INPP5A: variants seen among roughly 807,000 people sequenced by gnomAD.
The protein encoded by INPP5A is inositol polyphosphate-5-phosphatase A.
A neutral mutation model predicts 65.2 loss-of-function variants in INPP5A; 14 were observed. That is an observed-to-expected ratio of 0.21 (90% CI 0.14 to 0.34). The LOEUF is 0.34. Ranked by LOEUF, INPP5A falls within the 10% of genes least tolerant of loss-of-function variation. The pLI, the probability that INPP5A is intolerant of heterozygous loss-of-function variation, is 1.00. For synonymous variants in INPP5A, 207 were observed against 208.3 expected (o/e 0.99, Z 0.05); for missense variants, 431 against 545.6 (o/e 0.79, Z 2.09).
At chr10:132,734,847 G>A (rs2803994) in intron 9 of INPP5A, among the ~76,000 whole-genome samples, 138,867 of 152,284 alleles carry the variant, frequency 0.91, 63,505 homozygotes, top group East Asian at 1. Context: ...GTCAAAGGCC[G>A]GCAGGAGTGT....
intron 8 of INPP5A, among the ~76,000 whole-genome samples, chr10:132,719,137 A>G (rs1205889498): frequency 7.5e-5 from 10 of 133,242 alleles, no homozygotes; most frequent in East Asian, 2.4e-4. Flanking sequence ...GTTCTGTGGT[A>G]CCTGGGTTCT....
chr10:132,625,830 G>A (rs1056538121), intron 2 of INPP5A, among the ~76,000 whole-genome samples: 2 of 146,272 alleles, frequency 1.4e-5, no homozygotes, highest in Non-Finnish European at 3.0e-5. Flanking sequence ...TGCAAGGGCT[G>A]GCAGGACTTC....
chr10:132,681,653 C>G (rs540587161), intron 4 of INPP5A, among the ~76,000 whole-genome samples: 6 of 152,182 alleles, frequency 3.9e-5, no homozygotes, highest in Non-Finnish European at 7.3e-5. Flanking sequence ...AGAAATATAA[C>G]AGGGGGCAGC....
chr10:132,683,863 G>A (rs947636702), intron 4 of INPP5A, among the ~76,000 whole-genome samples: 2 of 152,068 alleles, frequency 1.3e-5, no homozygotes, highest in Non-Finnish European at 2.9e-5. Flanking sequence ...TACAAGCATG[G>A]GCCACCACAC....
At chr10:132,640,487 T>A (rs1385579944) in intron 2 of INPP5A, among the ~76,000 whole-genome samples, 2 of 152,268 alleles carry the variant, frequency 1.3e-5, no homozygotes, top group Non-Finnish European at 2.9e-5. Context: ...CACATTCTGC[T>A]GCTCCCGTAA....
intron 2 of INPP5A, among the ~76,000 whole-genome samples, chr10:132,625,981 A>G (rs1019633198): frequency 6.6e-6 from 1 of 152,104 alleles, no homozygotes; most frequent in Non-Finnish European, 1.5e-5. Flanking sequence ...AAATGCGCAC[A>G]CCTGTATAGT....
intron 2 of INPP5A, among the ~76,000 whole-genome samples, chr10:132,621,210 G>A (rs2072103027): frequency 6.6e-6 from 1 of 152,200 alleles, no homozygotes; most frequent in African/African-American, 2.4e-5. Context: ...CCTGAAGACT[G>A]GGAACAGGGC....
chr10:132,670,787 G>A (rs1041788095), intron 4 of INPP5A, among the ~76,000 whole-genome samples: 2 of 150,216 alleles, frequency 1.3e-5, no homozygotes, highest in African/African-American at 4.9e-5. Context: ...CCTTGACCCC[G>A]TATCTCCCCA....
intron 11 of INPP5A, among the ~76,000 whole-genome samples, chr10:132,756,309 A>G (rs928747171): frequency 3.3e-5 from 5 of 151,492 alleles, no homozygotes; most frequent in Non-Finnish European, 7.4e-5. Context: ...TGTGTGGTGT[A>G]TGTGTGTATG....
chr10:132,706,649 G>A lies in INPP5A; in HGVS notation c.475-1664G>A, dbSNP rs1845541665. On this transcript the variant is annotated intron_variant, in intron 6 of 15. Transcript: ENST00000368594. This position sits in a 1 kb window ranked among gnomAD's most constrained non-coding sequence, Gnocchi z 4.7. ...TTGGAATTTCCCTTCTTGAGCATGA[G>A]TGGGAGCACTTAGGGAGGGGGCAGG... Among the ~76,000 whole-genome samples the A allele has an allele frequency of 1.3e-5, 2 of 152,212 alleles. No homozygotes were observed. The highest frequency in any genetic ancestry group is 6.5e-5 in the Admixed American group (1 of 15,278).
intron 8 of INPP5A, among the ~76,000 whole-genome samples, chr10:132,720,804 T>C (rs59300853): frequency 5.5e-3 from 425 of 76,880 alleles, no homozygotes; most frequent in African/African-American, 8.5e-3. Context: ...GCGCCTTAGA[T>C]GGCTGTCTTG....
At chr10:132,760,348 G>A (rs1846710470) in intron 11 of INPP5A, among the ~76,000 whole-genome samples, 1 of 152,256 alleles carries the variant, frequency 6.6e-6, no homozygotes, top group African/African-American at 2.4e-5. Flanking sequence ...CGGACGCTGT[G>A]CCGCACGCCT....
chr10:132,702,120 T>G (rs2134509047), intron 6 of INPP5A, among the ~76,000 whole-genome samples: 1 of 152,352 alleles, frequency 6.6e-6, no homozygotes, highest in Non-Finnish European at 1.5e-5. Context: ...AAACATAGTC[T>G]TAGTGCAGTG....
chr10:132,749,970 T>C, intron 11 of INPP5A, 125 bp downstream of exon 11: 1 of 878,310 alleles, frequency 1.1e-6, no homozygotes, highest in Non-Finnish European at 1.9e-6. Flanking sequence ...GACTCAGTTC[T>C]GAGCCAGTGC....
chr10:132,657,576 C>CTCT (rs1490674862), intron 4 of INPP5A, among the ~76,000 whole-genome samples: 2 of 151,658 alleles, frequency 1.3e-5, no homozygotes, highest in Non-Finnish European at 3.0e-5. Flanking sequence ...GCCCCAGTAC[C>CTCT]CAGCGGTGGC....
intron 2 of INPP5A, among the ~76,000 whole-genome samples, chr10:132,624,384 G>A (rs937395689): frequency 2.6e-5 from 4 of 152,208 alleles, no homozygotes; most frequent in Non-Finnish European, 4.4e-5. Flanking sequence ...CTTGCACACC[G>A]GCATGCCCGT....
Position 132,650,366 on chromosome 10 carries a change from G to A in INPP5A, c.219-52G>A, listed in dbSNP as rs375259080. 10 of 1,258,426 alleles carry A rather than the reference G, an allele frequency of 7.9e-6. No homozygotes were observed. The highest frequency in any genetic ancestry group is 4.4e-5 in the African/African-American group (3 of 67,936). The allele number at this position is 1,258,426 out of a possible 1,614,324, so 78.0% of individuals were successfully genotyped here. A position where few individuals can be genotyped will look rare whatever the true frequency, so the allele number is the denominator to read the frequency against. ...TTATACCTTGTGGTCATCTCATGAGGTGCAAGGCGTCTGTGTGGCTTTTCC... is the reference window on the plus strand; with the variant it reads ...TTATACCTTGTGGTCATCTCATGAGATGCAAGGCGTCTGTGTGGCTTTTCC... On this transcript the variant is annotated intron_variant, in intron 3 of 15. Transcript: ENST00000368594. This position sits in a 1 kb window ranked among gnomAD's most constrained non-coding sequence, Gnocchi z 5.5.
At chr10:132,646,865 C>G (rs1487398781) in intron 3 of INPP5A, among the ~76,000 whole-genome samples, 1 of 152,224 alleles carries the variant, frequency 6.6e-6, no homozygotes, top group African/African-American at 2.4e-5. Context: ...TGCTGCCATG[C>G]TCTGTGGGTC....
At chr10:132,562,944 A>G (rs2071224401) in intron 1 of INPP5A, among the ~76,000 whole-genome samples, 1 of 151,980 alleles carries the variant, frequency 6.6e-6, no homozygotes, top group African/African-American at 2.4e-5. Context: ...CCTTCCCTGT[A>G]TGCTCTTCCC....
Sources: gnomAD v4.1 joint callset for allele counts (sites outside exome capture counted in the v4.1 genomes callset) on GRCh38, gnomAD v4.1.1 for gene constraint, Gnocchi (gnomAD v3.1) non-coding constraint, MANE v1.5 for transcripts, NCBI Gene and HGNC (gene_info 2026-07-23, HGNC 2026-07-21) for gene names.